TSHR: variants seen among roughly 807,000 people sequenced by gnomAD.
The protein encoded by TSHR is thyroid stimulating hormone receptor.
In TSHR, 51 loss-of-function variants were observed where a neutral mutation model predicts 64.1. The ratio of observed to expected loss-of-function variants is 0.80; its 90% CI spans 0.64 to 1.01. The LOEUF (loss-of-function observed/expected upper bound fraction) is 1.01. Ranked by LOEUF, TSHR falls within the 50% of genes least tolerant of loss-of-function variation. The probability of loss-of-function intolerance (pLI) is 0.00; values close to 1 mark genes in which losing one functional copy is unlikely to be tolerated. For missense variants in TSHR, 877 were observed against 942.8 expected, an observed-to-expected ratio of 0.93 and a Z score of 0.91; for synonymous variants, 361 against 361.9, an observed-to-expected ratio of 1.00 and a Z score of 0.03.
intron 1 of TSHR, among the ~76,000 whole-genome samples, chr14:81,031,215 A>G (rs1286389041): frequency 6.6e-6 from 1 of 152,192 alleles, no homozygotes; most frequent in Non-Finnish European, 1.5e-5. Context: ...TATGCTTAGA[A>G]AAGTATGGGT....
intron 3 of TSHR, among the ~76,000 whole-genome samples, chr14:81,082,716 G>A (rs986351353): frequency 4.6e-5 from 7 of 152,148 alleles, no homozygotes; most frequent in Non-Finnish European, 1.0e-4. Context: ...TCAATTTATT[G>A]TTTTGGGTAA....
chr14:81,043,554 T>C (rs1447758074), intron 1 of TSHR, among the ~76,000 whole-genome samples: 3 of 152,122 alleles, frequency 2.0e-5, no homozygotes, highest in East Asian at 1.9e-4. Flanking sequence ...TAAACTACCA[T>C]TGACATGCTA....
intron 8 of TSHR, among the ~76,000 whole-genome samples, chr14:81,123,107 A>G (rs3783940): frequency 0.043 from 6,491 of 151,152 alleles, 385 homozygotes; most frequent in East Asian, 0.23. Flanking sequence ...AGCCTGGGAG[A>G]CAGAGCAAGA....
At chr14:81,004,406 A>G (rs1054555515) in intron 1 of TSHR, among the ~76,000 whole-genome samples, 1 of 152,158 alleles carries the variant, frequency 6.6e-6, no homozygotes, top group African/African-American at 2.4e-5. Flanking sequence ...TGGCTCAAAT[A>G]AGCATGGTTC....
intron 9 of TSHR, among the ~76,000 whole-genome samples, chr14:81,141,604 G>A (rs971296163): frequency 1.3e-5 from 2 of 152,094 alleles, no homozygotes; most frequent in Non-Finnish European, 2.9e-5. Context: ...GTCTAATGGA[G>A]GAAGTCAGAA....
In TSHR at chr14:81,144,478, A is replaced by G. The variant is rs886050855; in HGVS notation, c.*125A>G. ...TCACTCTTGTGCAGGCGATGTTTCAATGTTTCATGGGGCAAGAGTTTATCT... is the reference window on the plus strand; with the variant it reads ...TCACTCTTGTGCAGGCGATGTTTCAGTGTTTCATGGGGCAAGAGTTTATCT... On this transcript the variant is annotated 3_prime_UTR_variant, in exon 10 of 10. Transcript: ENST00000298171. 12 of 975,804 alleles carry G rather than the reference A, an allele frequency of 1.2e-5. No homozygotes were observed. The highest frequency in any genetic ancestry group is 5.2e-5 in the East Asian group (2 of 38,804). The allele number at this position is 975,804 out of a possible 1,614,324, so 60.4% of individuals were successfully genotyped here.
intron 1 of TSHR, chr14:80,982,558 C>T (rs1888228056): frequency 4.9e-6 from 5 of 1,013,342 alleles, no homozygotes; most frequent in Middle Eastern, 2.3e-4. Context: ...CCCTAATCCT[C>T]AATCTGTGAG....
intron 1 of TSHR, among the ~76,000 whole-genome samples, chr14:80,971,616 TGGTTTTGTTTCTTACAGGGGGCAGATA>T (rs1887592903): frequency 6.6e-6 from 1 of 152,232 alleles, no homozygotes; most frequent in African/African-American, 2.4e-5. Context: ...GGGTTTTTGT[TGGTTTTGTTTCTTACAGGGGGCAGATA>T]GGTGAATTGA....
chr14:81,096,059 AAT>A (rs58782292), intron 6 of TSHR, among the ~76,000 whole-genome samples: 27,662 of 146,414 alleles, frequency 0.19, 3,106 homozygotes, highest in African/African-American at 0.35. Context: ...AAAAAAAAAA[AAT>A]CCATAAGAGG....
intron 7 of TSHR, chr14:81,104,783 C>T (rs1889792271): frequency 1.0e-6 from 1 of 985,280 alleles, no homozygotes. Flanking sequence ...CAGGGCAGGG[C>T]TTCTTAACTC....
At chr14:81,084,824 A>T (rs1214425094) in intron 3 of TSHR, among the ~76,000 whole-genome samples, 3 of 152,208 alleles carry the variant, frequency 2.0e-5, no homozygotes, top group Non-Finnish European at 4.4e-5. Flanking sequence ...GGCATGCTTG[A>T]AGGCATTCAA....
chr14:81,089,579 G>T (rs145461954), intron 4 of TSHR, among the ~76,000 whole-genome samples: 160 of 152,246 alleles, frequency 1.1e-3, no homozygotes, highest in East Asian at 7.7e-3. Flanking sequence ...AAGAATAATG[G>T]AAAGTGACGA....
At chr14:81,062,291 A>T in intron 2 of TSHR, 72 bp downstream of exon 2, 3 of 1,148,922 alleles carry the variant, frequency 2.6e-6, no homozygotes, top group Non-Finnish European at 3.9e-6. Flanking sequence ...CTATCAAGAA[A>T]AATACTTGGT....
chr14:80,999,104 G>A (rs1243154238), intron 1 of TSHR, among the ~76,000 whole-genome samples: 2 of 152,190 alleles, frequency 1.3e-5, no homozygotes, highest in Non-Finnish European at 2.9e-5. Context: ...GACTTACAGA[G>A]TTTTAGAGAC....
intron 7 of TSHR, 91 bp from the exon 8 acceptor site, chr14:81,108,284 C>G: frequency 9.2e-7 from 1 of 1,090,328 alleles, no homozygotes; most frequent in South Asian, 1.3e-5. Context: ...ATACTATGGT[C>G]ACATTTTATT....
chr14:80,985,713 A>G (rs1187914118), intron 1 of TSHR, among the ~76,000 whole-genome samples: 1 of 152,214 alleles, frequency 6.6e-6, no homozygotes, highest in Non-Finnish European at 1.5e-5. Flanking sequence ...ACAAGATCAT[A>G]CTGTAAATAT....
chr14:81,101,542 A>T (rs1226438763), intron 7 of TSHR, among the ~76,000 whole-genome samples: 1 of 152,214 alleles, frequency 6.6e-6, no homozygotes, highest in African/African-American at 2.4e-5. Flanking sequence ...AATATGAGCT[A>T]TACATACATT....
chr14:80,967,283 AT>A (rs35619720), intron 1 of TSHR, among the ~76,000 whole-genome samples: 40,292 of 111,644 alleles, frequency 0.36, 6,465 homozygotes, highest in East Asian at 0.65. Flanking sequence ...CCTGACTTAC[AT>A]TTTTTTTTTT....
At chr14:81,065,102 C>G (rs1460010002) in intron 2 of TSHR, among the ~76,000 whole-genome samples, 2 of 152,086 alleles carry the variant, frequency 1.3e-5, no homozygotes, top group African/African-American at 4.8e-5. Context: ...GGACTCTCAG[C>G]AAAGCGAGAG....
Sources: gnomAD v4.1 joint callset for allele counts (sites outside exome capture counted in the v4.1 genomes callset) on GRCh38, gnomAD v4.1.1 for gene constraint, MANE v1.5 for transcripts, NCBI Gene and HGNC (gene_info 2026-07-23, HGNC 2026-07-21) for gene names.